The following RSRC1 variants were observed in gnomAD, a reference collection of about 807,000 sequenced individuals.
The protein encoded by RSRC1 is serine/Arginine-related protein 53.
Under a neutral mutation model 49.1 loss-of-function variants are expected in RSRC1, and 39 were observed. The ratio of observed to expected loss-of-function variants is 0.79; its 90% CI spans 0.61 to 1.04. The LOEUF is 1.04. RSRC1 is among the 50% of genes least tolerant of loss of function. The pLI, the probability that RSRC1 is intolerant of heterozygous loss-of-function variation, is 0.00. For missense variants in RSRC1, 388 were observed against 402.4 expected (o/e 0.96, Z 0.31); for synonymous variants, 143 against 130.8 (o/e 1.09, Z -0.63).
At chr3:158,112,943 G>C (rs192388885) in intron 1 of RSRC1, among the ~76,000 whole-genome samples, 2 of 152,182 alleles carry the variant, frequency 1.3e-5, no homozygotes, top group East Asian at 3.9e-4. Context: ...ATGGCTTCCA[G>C]CTCCATCCAT....
At chr3:158,277,455 A>G (rs1383945482) in intron 4 of RSRC1, among the ~76,000 whole-genome samples, 2 of 152,300 alleles carry the variant, frequency 1.3e-5, no homozygotes, top group Non-Finnish European at 1.5e-5. Flanking sequence ...ACTGCAGATT[A>G]ATCACTTCCA....
intron 3 of RSRC1, among the ~76,000 whole-genome samples, chr3:158,194,825 C>T (rs1441722185): frequency 6.6e-6 from 1 of 152,072 alleles, no homozygotes; most frequent in African/African-American, 2.4e-5. Context: ...AGGACATGAA[C>T]TCATCATTTT....
At chr3:158,134,187 A>C (rs1716216715) in intron 3 of RSRC1, among the ~76,000 whole-genome samples, 1 of 152,196 alleles carries the variant, frequency 6.6e-6, no homozygotes, top group Non-Finnish European at 1.5e-5. Context: ...GGTAGGGATG[A>C]AATTATGTAA....
Position 158,477,798 on chromosome 3 carries a change from T to TTTTATATATATATATATA in RSRC1, c.652+16796_652+16797insTTATATATATATATATAT, listed in dbSNP as rs1485762587. On this transcript the variant is annotated intron_variant, in intron 7 of 9. Transcript: ENST00000611884. ...TGATGGGATAGGTTGCGGGAGGGAT[T>TTTTATATATATATATATA]TATATATATATATATATATATATAT... is the stretch of plus-strand genomic sequence containing the variant. Among the ~76,000 whole-genome samples, 582 of 89,684 alleles carry TTTTATATATATATATATA rather than the reference T, an allele frequency of 6.5e-3. 54 individuals carry two copies. The highest frequency in any genetic ancestry group is 0.017 in the African/African-American group (375 of 21,588). 58.8% of individuals were successfully genotyped at this position (89,684 alleles called of 152,430 possible). A position where few individuals can be genotyped will look rare whatever the true frequency, so the allele number is the denominator to read the frequency against.
intron 5 of RSRC1, among the ~76,000 whole-genome samples, chr3:158,332,206 C>G (rs1259119971): frequency 1.3e-5 from 2 of 151,926 alleles, no homozygotes; most frequent in Non-Finnish European, 1.5e-5. Flanking sequence ...AAGTTTCTGC[C>G]AATACTTTTT....
chr3:158,267,860 ATTTTTTT>A lies in RSRC1; in HGVS notation c.495-30167_495-30161del. 2.4e-5 allele frequency among the ~76,000 whole-genome samples: 3 copies of A among 125,046 alleles called. No homozygotes were observed. The South Asian group carries it at 7.6e-4, about 32-fold the overall frequency. The allele number at this position is 125,046 out of a possible 152,430, so 82.0% of individuals were successfully genotyped here. On this transcript the variant is annotated intron_variant, in intron 4 of 9. Transcript: ENST00000611884. ...TCTTATGCTGTTTGTTTCCATATCT[ATTTTTTT>A]TTTTTTTTTTTGGCTTAAAAAACAT...
rs368254499 is a variant in RSRC1, at chr3:158,492,533, A to G, written c.652+31530A>G. ...TGTTCTAAACATCTTCTTCCCCCCA[A>G]TATAGTCCAGAAATGGGCTGGGAGG... On this transcript the variant is annotated intron_variant, in intron 7 of 9. Transcript: ENST00000611884. 4.3e-4 allele frequency among the ~76,000 whole-genome samples: 66 copies of G among 152,210 alleles called. 1 individual carries two copies. The highest frequency in any genetic ancestry group is 1.3e-3 in the African/African-American group (52 of 41,530).
chr3:158,196,929 C>T lies in RSRC1; in HGVS notation c.321-6143C>T, dbSNP rs759074415. 5.3e-5 allele frequency among the ~76,000 whole-genome samples: 8 copies of T among 152,046 alleles called. No homozygotes were observed. The East Asian group carries it at 1.2e-3, about 22-fold the overall frequency. On this transcript the variant is annotated intron_variant, in intron 3 of 9. Coordinates refer to ENST00000611884, the MANE Select transcript of RSRC1 (RefSeq NM_001271838.2). ...AGTATTTTATTGAGGATTTTTGCAT[C>T]GATGTTCATCAGGGATATTGGTCTA... is the stretch of plus-strand genomic sequence containing the variant.
chr3:158,331,317 T>A (rs535335490), intron 5 of RSRC1, among the ~76,000 whole-genome samples: 20 of 152,350 alleles, frequency 1.3e-4, no homozygotes, highest in African/African-American at 4.3e-4. Context: ...TGACTAGTAG[T>A]CTTTTGTGCG....
chr3:158,475,954 G>C (rs1450799423), intron 7 of RSRC1, among the ~76,000 whole-genome samples: 1 of 152,164 alleles, frequency 6.6e-6, no homozygotes, highest in East Asian at 1.9e-4. Flanking sequence ...CAAACATTTA[G>C]ACAAGTTGTG....
chr3:158,300,384 C>A (rs2108122003), intron 5 of RSRC1, among the ~76,000 whole-genome samples: 1 of 152,300 alleles, frequency 6.6e-6, no homozygotes, highest in African/African-American at 2.4e-5. Context: ...TTGCATTGTA[C>A]ATTAATAATA....
intron 6 of RSRC1, among the ~76,000 whole-genome samples, chr3:158,443,609 G>C (rs895052189): frequency 6.6e-6 from 1 of 152,084 alleles, no homozygotes; most frequent in Non-Finnish European, 1.5e-5. Context: ...CTCAAACTTT[G>C]TCCCTATCAG....
At chr3:158,433,529 C>T (rs1247256860) in intron 6 of RSRC1, among the ~76,000 whole-genome samples, 1 of 151,966 alleles carries the variant, frequency 6.6e-6, no homozygotes, top group South Asian at 2.1e-4. Context: ...GGCTACTGCT[C>T]TCAAACTCCA....
intron 4 of RSRC1, among the ~76,000 whole-genome samples, chr3:158,256,511 C>T (rs1306377033): frequency 1.3e-5 from 2 of 152,124 alleles, no homozygotes; most frequent in Admixed American, 6.5e-5. Context: ...GGGTATTGGT[C>T]TAAAATTCTC....
intron 5 of RSRC1, among the ~76,000 whole-genome samples, chr3:158,308,038 A>C (rs1278501673): frequency 2.0e-5 from 3 of 151,958 alleles, no homozygotes; most frequent in African/African-American, 7.2e-5. Context: ...GTAGTTAATG[A>C]TGGTAATATT....
Position 158,210,488 on chromosome 3 carries a change from AAAAG to A in RSRC1, c.494+7244_494+7247del, listed in dbSNP as rs926866982. ...CATTATAGCATGCAAAAAAAAAAAA[AAAAG>A]CTTCATACCGTCAATTTTGTTAAGC... On this transcript the variant is annotated intron_variant, in intron 4 of 9. Coordinates refer to ENST00000611884, the MANE Select transcript of RSRC1 (RefSeq NM_001271838.2). Among the ~76,000 whole-genome samples, 9 of 152,084 alleles carry A rather than the reference AAAAG, an allele frequency of 5.9e-5. 1 individual carries two copies. Among genetic ancestry groups the A allele is most frequent in the African/African-American group, 1.9e-4 (8 of 41,528 alleles).
chr3:158,470,523 A>T (rs1738091688), intron 7 of RSRC1, among the ~76,000 whole-genome samples: 1 of 152,126 alleles, frequency 6.6e-6, no homozygotes, highest in South Asian at 2.1e-4. Flanking sequence ...TGGAGGATTA[A>T]TACAACATAT....
intron 4 of RSRC1, among the ~76,000 whole-genome samples, chr3:158,297,578 T>G (rs891338309): frequency 2.6e-5 from 4 of 151,980 alleles, no homozygotes; most frequent in African/African-American, 9.7e-5. Flanking sequence ...TACATTCTTT[T>G]TATAAAAACG....
intron 6 of RSRC1, among the ~76,000 whole-genome samples, chr3:158,425,534 T>A (rs964550912): frequency 1.3e-5 from 2 of 152,016 alleles, no homozygotes; most frequent in African/African-American, 4.8e-5. Flanking sequence ...AGATGTGGTG[T>A]GGTGCTGAAA....
Sources: gnomAD v4.1 joint callset for allele counts (sites outside exome capture counted in the v4.1 genomes callset) on GRCh38, gnomAD v4.1.1 for gene constraint, MANE v1.5 for transcripts, NCBI Gene and HGNC (gene_info 2026-07-23, HGNC 2026-07-21) for gene names.